KIF1B: variants seen among roughly 807,000 people sequenced by gnomAD.
The protein encoded by KIF1B is kinesin-like protein KIF1B.
A neutral mutation model predicts 241.9 loss-of-function variants in KIF1B; 76 were observed. The observed-to-expected ratio is 0.31, with a 90% confidence interval of 0.26 to 0.38. The LOEUF (loss-of-function observed/expected upper bound fraction) is 0.38. Among genes scored for constraint, KIF1B ranks in the 10% least tolerant of loss-of-function variants. The probability of loss-of-function intolerance (pLI) is 1.00; values close to 1 mark genes in which losing one functional copy is unlikely to be tolerated. For missense variants in KIF1B, 1,622 were observed against 2,271.4 expected (o/e 0.71, Z 5.81); for synonymous variants, 750 against 796.7 (o/e 0.94, Z 0.99).
At chr1:10,290,698 C>A (rs1219168483) in intron 15 of KIF1B, among the ~76,000 whole-genome samples, 2 of 151,616 alleles carry the variant, frequency 1.3e-5, no homozygotes, top group East Asian at 3.9e-4. Context: ...GGTGAAACCC[C>A]GTCTCTACTA....
intron 22 of KIF1B, chr1:10,307,981 G>A (rs1186732555): frequency 9.5e-7 from 1 of 1,055,250 alleles, no homozygotes; most frequent in Non-Finnish European, 1.1e-6. Flanking sequence ...TTACATTGAA[G>A]TGACTTGAAG....
At chr1:10,335,426 T>C (rs1652128350) in intron 28 of KIF1B, among the ~76,000 whole-genome samples, 1 of 152,178 alleles carries the variant, frequency 6.6e-6, no homozygotes, top group Non-Finnish European at 1.5e-5. Context: ...GTAATTTTTA[T>C]ATTTTTAGTA....
At position 10,295,773 on chromosome 1, in the gene KIF1B, A is replaced by T. The variant is rs367898139; in HGVS notation, c.1777+7A>T. On this transcript the variant is annotated splice_region_variant and intron_variant, in intron 19 of 48. Coordinates refer to ENST00000676179, the MANE Select transcript of KIF1B (RefSeq NM_001365951.3). The stretch of plus-strand genomic sequence containing the variant: ...AGAAGCAACAGCGGGGAAGGTGAGC[A>T]TTCCTGGCTGGAGCTTCAGCAACAA... 162 of 1,606,364 alleles carry T rather than the reference A, an allele frequency of 1.0e-4. No homozygotes were observed. The South Asian group carries it at 1.7e-3, about 16-fold the overall frequency.
intron 1 of KIF1B, among the ~76,000 whole-genome samples, chr1:10,216,491 C>T (rs1646768388): frequency 6.6e-6 from 1 of 152,150 alleles, no homozygotes; most frequent in South Asian, 2.1e-4. Context: ...TCAGGACTTA[C>T]TATGCAGAAG....
At chr1:10,224,539 C>T (rs1194484350) in intron 1 of KIF1B, among the ~76,000 whole-genome samples, 1 of 152,090 alleles carries the variant, frequency 6.6e-6, no homozygotes, top group Non-Finnish European at 1.5e-5. Flanking sequence ...CCACCTCAGC[C>T]TCTCAAGTAG....
At chr1:10,339,498 G>C (rs1408625761) in intron 31 of KIF1B, among the ~76,000 whole-genome samples, 1 of 152,160 alleles carries the variant, frequency 6.6e-6, no homozygotes, top group Non-Finnish European at 1.5e-5. Flanking sequence ...TTAATTGAAT[G>C]TACTTCTTCA....
intron 3 of KIF1B, among the ~76,000 whole-genome samples, chr1:10,256,768 G>GT (rs1477280658): frequency 6.6e-6 from 1 of 151,622 alleles, no homozygotes; most frequent in Non-Finnish European, 1.5e-5. Context: ...CTGGAGTACA[G>GT]TGGTGCCATC....
intron 40 of KIF1B, 33 bp from the exon 41 acceptor site, chr1:10,363,250 A>G (rs1338665068): frequency 8.4e-6 from 13 of 1,555,230 alleles, no homozygotes; most frequent in Non-Finnish European, 1.1e-5. Flanking sequence ...GTGCTTTAAG[A>G]GATTAAACAA....
chr1:10,214,588 C>A (rs12124501), intron 1 of KIF1B, among the ~76,000 whole-genome samples: 1 of 142,642 alleles, frequency 7.0e-6, no homozygotes, highest in Non-Finnish European at 1.5e-5. Context: ...GTGCCCTGCC[C>A]TTTTTTTTTT....
chr1:10,314,129 G>A (rs1036775915), intron 22 of KIF1B, among the ~76,000 whole-genome samples: 3 of 150,900 alleles, frequency 2.0e-5, no homozygotes, highest in Non-Finnish European at 4.4e-5. Context: ...TAACTCACCC[G>A]CCTCGGCCTC....
intron 2 of KIF1B, among the ~76,000 whole-genome samples, chr1:10,250,248 C>T (rs1209699957): frequency 6.6e-6 from 1 of 152,078 alleles, no homozygotes; most frequent in Non-Finnish European, 1.5e-5. Flanking sequence ...TCCTTTAATT[C>T]TGTAAACTAG....
intron 35 of KIF1B, among the ~76,000 whole-genome samples, chr1:10,346,552 G>T (rs1031347036): frequency 6.6e-6 from 1 of 151,826 alleles, no homozygotes; most frequent in Non-Finnish European, 1.5e-5. Flanking sequence ...TTTAGTAGAG[G>T]CAGGGTTTCA....
chr1:10,320,608 T>C (rs748314885), intron 23 of KIF1B, among the ~76,000 whole-genome samples: 3 of 152,264 alleles, frequency 2.0e-5, no homozygotes, highest in African/African-American at 4.8e-5. Flanking sequence ...TATTGCCTTA[T>C]AATGCAGTAT....
chr1:10,242,734 C>G (rs1647155031), intron 2 of KIF1B, among the ~76,000 whole-genome samples: 1 of 152,122 alleles, frequency 6.6e-6, no homozygotes, highest in East Asian at 1.9e-4. Context: ...CCAGGCTGGT[C>G]TCAAACTCCT....
In KIF1B at chr1:10,347,767, C is replaced by G; in HGVS notation, c.3804C>G (p.Ile1268Met). 6.2e-7 allele frequency: 1 copy of G among 1,612,876 alleles called. No homozygotes were observed. Among genetic ancestry groups the G allele is most frequent in the Non-Finnish European group, 8.5e-7 (1 of 1,179,070 alleles). ...ISELEPTGEYIPAVVDHTAGL... is the reference protein window; with the variant it reads ...ISELEPTGEYMPAVVDHTAGL... ...TTGCGTTTCTATTTTTTAGGTATATCCCAGCTGTGGTTGACCACACAGCAG... is the reference window on the plus strand; with the variant it reads ...TTGCGTTTCTATTTTTTAGGTATATGCCAGCTGTGGTTGACCACACAGCAG... The change falls in exon 36 of 49, where the codon ATC (isoleucine) becomes ATG (methionine). Residue 1268 changes from isoleucine to methionine, a missense_variant. By Grantham distance (10) the Ile-to-Met change is conservative. This residue lies in a region of KIF1B where 803 missense variants were observed against 1,112.0 expected (regional missense o/e 0.72). Transcript: ENST00000676179.
At chr1:10,234,815 C>T (rs1437349233) in intron 2 of KIF1B, among the ~76,000 whole-genome samples, 1 of 152,016 alleles carries the variant, frequency 6.6e-6, no homozygotes. Context: ...AGCCACTGTA[C>T]CCAGCCTCCC....
chr1:10,275,631 G>A, intron 11 of KIF1B, 128 bp downstream of exon 11: 1 of 736,230 alleles, frequency 1.4e-6, no homozygotes, highest in Non-Finnish European at 2.5e-6. Flanking sequence ...AGTGTTCCTT[G>A]CCTGCTTTCA....
Position 10,363,705 on chromosome 1 carries a change from GA to G in KIF1B, c.4366+370del, listed in dbSNP as rs199799535. Among the ~76,000 whole-genome samples the G allele has an allele frequency of 2.6e-4, 40 of 151,024 alleles. No individual in the cohort carries two copies. The East Asian group carries it at 7.4e-3, about 28-fold the overall frequency. The stretch of plus-strand genomic sequence containing the variant: ...GAGACTCAGTCTCAAAAAAGAAAAA[GA>G]AAAAAAAATCAAATTATTAAGTCAG... On this transcript the variant is annotated intron_variant, in intron 41 of 48. Transcript: ENST00000676179.
chr1:10,212,923 TATATATATAC>T (rs796303000), intron 1 of KIF1B, among the ~76,000 whole-genome samples: 7,410 of 119,556 alleles, frequency 0.062, 329 homozygotes, highest in African/African-American at 0.16. Flanking sequence ...TATATATATA[TATATATATAC>T]ACACACACAT....
Sources: gnomAD v4.1 joint callset for allele counts (sites outside exome capture counted in the v4.1 genomes callset) on GRCh38, gnomAD v4.1.1 for gene constraint, gnomAD v4.1.1 regional missense constraint, MANE v1.5 for transcripts, NCBI Gene and HGNC (gene_info 2026-07-23, HGNC 2026-07-21) for gene names.